Variants in MCC observed in about 807,000 individuals in gnomAD.
MCC encodes colorectal mutant cancer protein.
In MCC, 90 loss-of-function variants were observed where a neutral mutation model predicts 116.2. The observed-to-expected ratio is 0.77, with a 90% CI of 0.65 to 0.92. MCC has a LOEUF of 0.92. Among genes scored for constraint, MCC ranks in the 40% least tolerant of loss-of-function variants. The pLI, the probability that MCC is intolerant of heterozygous loss-of-function variation, is 0.00. For missense variants in MCC, 1,516 were observed against 1,312.2 expected, an observed-to-expected ratio of 1.16 and a Z score of -2.40; for synonymous variants, 578 against 510.5, an observed-to-expected ratio of 1.13 and a Z score of -1.78.
chr5:113,393,220 TATA>T (rs537581665), intron 1 of MCC, among the ~76,000 whole-genome samples: 28 of 152,262 alleles, frequency 1.8e-4, no homozygotes, highest in Middle Eastern at 3.4e-3. Context: ...TGTGGACAAA[TATA>T]ATAACTTCTC....
intron 3 of MCC, among the ~76,000 whole-genome samples, chr5:113,313,245 G>T (rs573397034): frequency 6.6e-6 from 1 of 152,260 alleles, no homozygotes; most frequent in South Asian, 2.1e-4. Flanking sequence ...TACTCGGGAG[G>T]CTGAGGCAGG....
chr5:113,372,597 C>T (rs1768861268), intron 2 of MCC, among the ~76,000 whole-genome samples: 2 of 152,078 alleles, frequency 1.3e-5, no homozygotes, highest in African/African-American at 4.8e-5. Flanking sequence ...GTCCAATGTA[C>T]CACAAATAGA....
At chr5:113,278,685 G>A (rs1426259746) in intron 3 of MCC, among the ~76,000 whole-genome samples, 2 of 152,168 alleles carry the variant, frequency 1.3e-5, no homozygotes, top group South Asian at 2.1e-4. Context: ...TGAAATCAGC[G>A]GTGTTGGCTG....
intron 2 of MCC, among the ~76,000 whole-genome samples, chr5:113,362,322 T>C (rs1276531446): frequency 6.6e-6 from 1 of 152,198 alleles, no homozygotes; most frequent in Non-Finnish European, 1.5e-5. Flanking sequence ...CCACTGCACC[T>C]GGCTGTCTGT....
At chr5:113,252,324 T>G (rs1764833677) in intron 3 of MCC, among the ~76,000 whole-genome samples, 1 of 152,170 alleles carries the variant, frequency 6.6e-6, no homozygotes, top group South Asian at 2.1e-4. Flanking sequence ...CATCTGTATT[T>G]ACAGCTGCTC....
At chr5:113,161,677 C>T (rs1393437292) in intron 3 of MCC, among the ~76,000 whole-genome samples, 1 of 148,940 alleles carries the variant, frequency 6.7e-6, no homozygotes, top group African/African-American at 2.5e-5. Context: ...TGTGTCTACA[C>T]ATACCCATAC....
chr5:113,283,880 A>C (rs73246657), intron 3 of MCC, among the ~76,000 whole-genome samples: 2 of 152,086 alleles, frequency 1.3e-5, no homozygotes, highest in African/African-American at 4.8e-5. Flanking sequence ...GGGACAGCAA[A>C]ACCAAACCTC....
chr5:113,151,704 C>G (rs1365068366), intron 3 of MCC, among the ~76,000 whole-genome samples: 1 of 152,168 alleles, frequency 6.6e-6, no homozygotes, highest in East Asian at 1.9e-4. Flanking sequence ...TTTCCAATGG[C>G]TTTCCCCAAG....
At position 113,045,602 on chromosome 5, in the gene MCC, C is replaced by T. The variant is rs541850786; in HGVS notation, c.2656-1972G>A. 2.6e-5 allele frequency among the ~76,000 whole-genome samples: 4 copies of T among 152,144 alleles called. No individual in the cohort carries two copies. In the South Asian group the frequency reaches 8.3e-4, roughly 32 times the overall value. ...ATCACTTGATGTCAGGAGTTTGAGA[C>T]CAGCCTGACCAACATGGTGAAAACT... On this transcript the variant is annotated intron_variant, in intron 16 of 18. Transcript: ENST00000408903.
At chr5:113,442,720 T>G (rs1771078309) in intron 1 of MCC, among the ~76,000 whole-genome samples, 1 of 152,240 alleles carries the variant, frequency 6.6e-6, no homozygotes, top group Non-Finnish European at 1.5e-5. Flanking sequence ...TGCATATGGC[T>G]AGCCAGTTTT....
chr5:113,145,781 CACAA>C (rs1759475107), intron 4 of MCC, among the ~76,000 whole-genome samples: 2 of 13,742 alleles, frequency 1.5e-4, no homozygotes, highest in South Asian at 5.7e-3. Context: ...CACACACACA[CACAA>C]ACACACACAC....
intron 3 of MCC, among the ~76,000 whole-genome samples, chr5:113,327,226 G>C (rs1187264635): frequency 6.6e-6 from 1 of 152,022 alleles, no homozygotes; most frequent in African/African-American, 2.4e-5. Flanking sequence ...ATAGGTATGT[G>C]TGTGTTGGGG....
At chr5:113,053,359 G>A (rs560374783) in intron 15 of MCC, among the ~76,000 whole-genome samples, 5 of 152,256 alleles carry the variant, frequency 3.3e-5, no homozygotes, top group South Asian at 4.2e-4. Flanking sequence ...TCCCCCTGCC[G>A]GAGTTAACAT....
chr5:113,180,617 A>G (rs978818145), intron 3 of MCC, among the ~76,000 whole-genome samples: 4 of 152,178 alleles, frequency 2.6e-5, no homozygotes, highest in African/African-American at 7.2e-5. Flanking sequence ...CTGACATGAG[A>G]GAAGTTTATG....
At chr5:113,412,257 T>C (rs1770013904) in intron 1 of MCC, among the ~76,000 whole-genome samples, 1 of 152,218 alleles carries the variant, frequency 6.6e-6, no homozygotes, top group Non-Finnish European at 1.5e-5. Flanking sequence ...CAATGCAGGC[T>C]CTTTTTTGGT....
intron 12 of MCC, among the ~76,000 whole-genome samples, chr5:113,070,779 C>A (rs563064334): frequency 6.6e-6 from 1 of 152,026 alleles, no homozygotes; most frequent in African/African-American, 2.4e-5. Context: ...AGATTTATAA[C>A]AATGTAAATT....
At chr5:113,080,105 A>G (rs1754745435) in intron 11 of MCC, among the ~76,000 whole-genome samples, 1 of 152,226 alleles carries the variant, frequency 6.6e-6, no homozygotes, top group Non-Finnish European at 1.5e-5. Context: ...ACAATGAGAT[A>G]CCATCTCACA....
At chr5:113,336,962 C>G (rs1245097746) in intron 3 of MCC, among the ~76,000 whole-genome samples, 1 of 152,198 alleles carries the variant, frequency 6.6e-6, no homozygotes, top group African/African-American at 2.4e-5. Flanking sequence ...AATGTCTGTG[C>G]TAGTTATCAT....
chr5:113,083,011 G>T lies in MCC; in HGVS notation c.1636-3C>A. 6.2e-7 allele frequency: 1 copy of T among 1,606,198 alleles called. No homozygotes were observed. Among genetic ancestry groups the T allele is most frequent in the Admixed American group, 1.7e-5 (1 of 57,842 alleles). On this transcript the variant is annotated splice_polypyrimidine_tract_variant and splice_region_variant and intron_variant, in intron 10 of 18. Transcript: ENST00000408903. Reference sequence around the variant, plus strand: ...TGTTCAGCCACACTGCTGGATACCTGCAAAAAGAAGCATTAATTCCCCTTT... The same window carrying T: ...TGTTCAGCCACACTGCTGGATACCTTCAAAAAGAAGCATTAATTCCCCTTT...
Sources: gnomAD v4.1 joint callset for allele counts (sites outside exome capture counted in the v4.1 genomes callset) on GRCh38, gnomAD v4.1.1 for gene constraint, MANE v1.5 for transcripts, NCBI Gene and HGNC (gene_info 2026-07-23, HGNC 2026-07-21) for gene names.